Variants in CLIC5 observed in about 807,000 individuals in gnomAD.
CLIC5 encodes chloride intracellular channel protein 5.
CLIC5 carries 20 observed loss-of-function variants against 24.7 expected under a neutral mutation model. The observed-to-expected ratio is 0.81, with a 90% confidence interval of 0.57 to 1.18. CLIC5 has a LOEUF of 1.18. Ranked by LOEUF, CLIC5 falls within the 50% of genes most tolerant of loss-of-function variation. CLIC5 has a pLI of 0.00. For missense variants in CLIC5, 341 were observed against 326.1 expected (o/e 1.05, Z -0.35); for synonymous variants, 159 against 135.6 (o/e 1.17, Z -1.20).
rs752873729 is a variant in CLIC5 at position 46,048,171 on chromosome 6, T to A, written c.540+31532A>T. Among the ~76,000 whole-genome samples the A allele has an allele frequency of 1.3e-3, 204 of 152,232 alleles. 2 individuals are homozygous for A. Among genetic ancestry groups the A allele is most frequent in the Non-Finnish European group, 1.3e-3 (91 of 68,014 alleles). On this transcript the variant is annotated intron_variant, in intron 1 of 5. Coordinates refer to the CLIC5 transcript ENST00000185206. The stretch of plus-strand genomic sequence containing the variant: ...GTGCATGCCACCACGCCTGGTTAAT[T>A]TTTGTATTTTTACTAGAGACAGGGT...
intron 1 of CLIC5, among the ~76,000 whole-genome samples, chr6:46,064,550 T>G (rs1006600228): frequency 2.0e-5 from 3 of 152,120 alleles, no homozygotes; most frequent in African/African-American, 7.2e-5. Flanking sequence ...TCTACAACAT[T>G]CTACATATCA....
chr6:46,020,829 A>G (rs1371643145), upstream of CLIC5, among the ~76,000 whole-genome samples: 3 of 152,036 alleles, frequency 2.0e-5, no homozygotes, highest in South Asian at 2.1e-4. Context: ...TTTAGATAAA[A>G]TGGATAAAAG....
At chr6:46,074,649 C>T (rs1209026400) in intron 1 of CLIC5, among the ~76,000 whole-genome samples, 1 of 152,188 alleles carries the variant, frequency 6.6e-6, no homozygotes, top group East Asian at 1.9e-4. Context: ...ACAGGCTTCA[C>T]GTGAGCTGAG....
intron 6 of CLIC5, among the ~76,000 whole-genome samples, chr6:45,885,601 T>C (rs1762298541): frequency 6.6e-6 from 1 of 152,176 alleles, no homozygotes; most frequent in East Asian, 1.9e-4. Context: ...GATACAAATC[T>C]GACAGAGAAA....
the CLIC5 span, among the ~76,000 whole-genome samples, chr6:46,098,043 G>A: frequency 6.6e-6 from 1 of 152,184 alleles, no homozygotes; most frequent in Non-Finnish European, 1.5e-5. Context: ...GCATGGAGGA[G>A]TGTGCAGGAG....
upstream of CLIC5, among the ~76,000 whole-genome samples, chr6:46,081,765 G>C (rs1562043043): frequency 6.6e-6 from 1 of 152,178 alleles, no homozygotes; most frequent in Non-Finnish European, 1.5e-5. Context: ...AAGTGGAAGT[G>C]AATGGTCCAA....
At chr6:45,911,523 G>A in intron 5 of CLIC5, 2 of 834,380 alleles carry the variant, frequency 2.4e-6, no homozygotes, top group Non-Finnish European at 2.9e-6. Flanking sequence ...AAGAGAACTG[G>A]CTGGAATTTA....
At chr6:45,941,247 A>G (rs1163135829) in intron 4 of CLIC5, among the ~76,000 whole-genome samples, 2 of 152,200 alleles carry the variant, frequency 1.3e-5, no homozygotes, top group African/African-American at 4.8e-5. Flanking sequence ...CGTTCCGTGC[A>G]GTGCACTATG....
intron 1 of CLIC5, among the ~76,000 whole-genome samples, chr6:45,987,610 T>C (rs1765787418): frequency 1.3e-5 from 2 of 152,196 alleles, no homozygotes; most frequent in Non-Finnish European, 2.9e-5. Flanking sequence ...TTTTTCACAG[T>C]TCTGGAAGCT....
At chr6:45,990,252 C>T (rs1190445887) in intron 1 of CLIC5, among the ~76,000 whole-genome samples, 3 of 152,224 alleles carry the variant, frequency 2.0e-5, no homozygotes, top group Non-Finnish European at 4.4e-5. Context: ...CTCTGATTCA[C>T]TGTAGGCAGC....
At chr6:45,978,094 C>T (rs1431412946) in intron 1 of CLIC5, among the ~76,000 whole-genome samples, 1 of 152,126 alleles carries the variant, frequency 6.6e-6, no homozygotes, top group East Asian at 1.9e-4. Flanking sequence ...TCAGTTTGCT[C>T]CTCAGTAAAG....
At chr6:45,949,765 T>G (rs1361714123) in intron 2 of CLIC5, among the ~76,000 whole-genome samples, 2 of 152,226 alleles carry the variant, frequency 1.3e-5, no homozygotes, top group African/African-American at 4.8e-5. Flanking sequence ...GCGCTACACA[T>G]AATTCCATAC....
At chr6:46,100,484 C>T in the CLIC5 span, among the ~76,000 whole-genome samples, 1 of 152,186 alleles carries the variant, frequency 6.6e-6, no homozygotes, top group Non-Finnish European at 1.5e-5. Flanking sequence ...CGCATTGGCA[C>T]AAGCTGCAGG....
At chr6:46,055,542 G>T (rs1768224834) in intron 1 of CLIC5, among the ~76,000 whole-genome samples, 1 of 152,218 alleles carries the variant, frequency 6.6e-6, no homozygotes, top group African/African-American at 2.4e-5. Flanking sequence ...CAGGCCATCA[G>T]TACTTTTCTT....
At chr6:46,057,730 C>T (rs1037701377) in intron 1 of CLIC5, among the ~76,000 whole-genome samples, 1 of 152,176 alleles carries the variant, frequency 6.6e-6, no homozygotes, top group African/African-American at 2.4e-5. Flanking sequence ...CAGAACCATC[C>T]CCACCCCTAC....
At chr6:46,054,971 T>A (rs1418168438) in intron 1 of CLIC5, among the ~76,000 whole-genome samples, 1 of 152,256 alleles carries the variant, frequency 6.6e-6, no homozygotes, top group African/African-American at 2.4e-5. Context: ...GGGTCCTTTT[T>A]TGCTATTACC....
intron 1 of CLIC5, among the ~76,000 whole-genome samples, chr6:45,969,517 C>T (rs188888329): frequency 1.9e-4 from 25 of 129,494 alleles, no homozygotes; most frequent in African/African-American, 7.0e-4. Flanking sequence ...CTTCAGATGA[C>T]TTTTCCAAGG....
chr6:45,971,508 A>G (rs906447559), intron 1 of CLIC5, among the ~76,000 whole-genome samples: 2 of 152,176 alleles, frequency 1.3e-5, no homozygotes, highest in African/African-American at 4.8e-5. Flanking sequence ...GAAGCCTGCT[A>G]TTGTTGGACT....
At chr6:46,044,351 G>T (rs1175467898) in intron 1 of CLIC5, among the ~76,000 whole-genome samples, 1 of 152,184 alleles carries the variant, frequency 6.6e-6, no homozygotes, top group Non-Finnish European at 1.5e-5. Context: ...CCCAAAGAGG[G>T]TACATAAAGA....
Sources: allele counts gnomAD v4.1 joint callset (sites outside exome capture counted in the v4.1 genomes callset), GRCh38; gene constraint gnomAD v4.1.1; transcripts MANE v1.5; gene names NCBI Gene and HGNC (gene_info 2026-07-23, HGNC 2026-07-21).